Variants in ACYP2 observed in about 807,000 individuals in gnomAD.
The protein encoded by ACYP2 is acylphosphatase-2.
ACYP2 carries 12 observed loss-of-function variants against 11.2 expected under a neutral mutation model. That is an observed-to-expected ratio of 1.08 (90% CI 0.69 to 1.74). The LOEUF is 1.74. ACYP2 is among the 40% of genes most tolerant of loss of function. The pLI, the probability that ACYP2 is intolerant of heterozygous loss-of-function variation, is 0.00. For missense variants in ACYP2, 134 were observed against 101.9 expected (o/e 1.31, Z -1.35); for synonymous variants, 43 against 32.2 (o/e 1.33, Z -1.13).
At chr2:54,091,319 A>G (rs1435932325) in intron 4 of ACYP2, among the ~76,000 whole-genome samples, 1 of 152,178 alleles carries the variant, frequency 6.6e-6, no homozygotes, top group Non-Finnish European at 1.5e-5. Flanking sequence ...TAGGAAATCA[A>G]TATATACTTT....
chr2:54,130,483 A>G (rs2048749), intron 4 of ACYP2, among the ~76,000 whole-genome samples: 79,911 of 151,904 alleles, frequency 0.53, 21,196 homozygotes, highest in East Asian at 0.72. Context: ...TGGGGAAGGA[A>G]ATGCTTTGAT....
chr2:54,124,754 G>A (rs1358614266), intron 4 of ACYP2, among the ~76,000 whole-genome samples: 2 of 152,124 alleles, frequency 1.3e-5, no homozygotes, highest in Non-Finnish European at 2.9e-5. Flanking sequence ...AGGCTAGAGT[G>A]CAGCAGTGTG....
intron 4 of ACYP2, among the ~76,000 whole-genome samples, chr2:54,116,870 G>T (rs574783238): frequency 6.6e-5 from 10 of 152,166 alleles, no homozygotes; most frequent in African/African-American, 2.4e-4. Flanking sequence ...CTATTTTAAA[G>T]AGCAGGCGTA....
chr2:54,255,340 G>A, intron 6 of ACYP2: 2 of 1,614,166 alleles, frequency 1.2e-6, no homozygotes, highest in Non-Finnish European at 1.7e-6. Flanking sequence ...TAACATCTCG[G>A]CATCTTGGCC....
chr2:54,264,721 G>C (rs1172669812), intron 6 of ACYP2, among the ~76,000 whole-genome samples: 1 of 152,230 alleles, frequency 6.6e-6, no homozygotes, highest in African/African-American at 2.4e-5. Flanking sequence ...TAGGTGGTGA[G>C]TTGTTTCAAC....
intron 6 of ACYP2, among the ~76,000 whole-genome samples, chr2:54,193,493 A>G (rs956388037): frequency 6.6e-6 from 1 of 152,168 alleles, no homozygotes; most frequent in Non-Finnish European, 1.5e-5. Context: ...TCAGGTGTGT[A>G]TTTCTTGAAT....
chr2:54,134,371 C>T (rs1479671278), intron 4 of ACYP2, among the ~76,000 whole-genome samples: 2 of 152,072 alleles, frequency 1.3e-5, no homozygotes, highest in African/African-American at 2.4e-5. Flanking sequence ...TATGGTCAAG[C>T]ATATCATTTC....
chr2:54,287,921 C>T (rs535037784), intron 6 of ACYP2, among the ~76,000 whole-genome samples: 1 of 152,142 alleles, frequency 6.6e-6, no homozygotes, highest in Admixed American at 6.5e-5. Context: ...GTATTGGGAA[C>T]ATTCCCTCAT....
intron 6 of ACYP2, among the ~76,000 whole-genome samples, chr2:54,261,312 A>G (rs991559976): frequency 5.9e-5 from 9 of 152,182 alleles, no homozygotes; most frequent in African/African-American, 1.9e-4. Context: ...TCCTAAAAAA[A>G]GGGAGAACAA....
intron 6 of ACYP2, among the ~76,000 whole-genome samples, chr2:54,175,795 T>C (rs1683433259): frequency 6.6e-6 from 1 of 152,176 alleles, no homozygotes; most frequent in Non-Finnish European, 1.5e-5. Flanking sequence ...GAACTTGCGC[T>C]GTACACATGG....
At chr2:54,081,953 G>T (rs1007055790) in intron 4 of ACYP2, among the ~76,000 whole-genome samples, 10 of 152,174 alleles carry the variant, frequency 6.6e-5, no homozygotes, top group African/African-American at 2.2e-4. Flanking sequence ...GCTCGTATGG[G>T]CTTCTTCAGA....
chr2:54,264,108 T>C (rs1031150599), intron 6 of ACYP2, among the ~76,000 whole-genome samples: 1 of 152,182 alleles, frequency 6.6e-6, no homozygotes, highest in Non-Finnish European at 1.5e-5. Context: ...AAAGATGGTG[T>C]GTGCAGAGTT....
chr2:54,140,833 A>G (rs1681563454), intron 6 of ACYP2, among the ~76,000 whole-genome samples: 1 of 152,024 alleles, frequency 6.6e-6, no homozygotes, highest in African/African-American at 2.4e-5. Flanking sequence ...TTTTATTTTG[A>G]TTGCATAGGT....
chr2:54,096,580 C>G (rs6745762), intron 4 of ACYP2, among the ~76,000 whole-genome samples: 1 of 151,946 alleles, frequency 6.6e-6, no homozygotes, highest in African/African-American at 2.4e-5. Flanking sequence ...TCTGCAATCC[C>G]GGCACCTCGG....
At chr2:54,203,769 A>T (rs1247367272) in intron 6 of ACYP2, among the ~76,000 whole-genome samples, 2 of 150,478 alleles carry the variant, frequency 1.3e-5, no homozygotes, top group Non-Finnish European at 3.0e-5. Context: ...ATTGCTTATC[A>T]TATGTCAAAA....
chr2:53,973,723 C>T lies in ACYP2; in HGVS notation c.-26C>T. 3.3e-6 allele frequency: 1 copy of T among 306,778 alleles called. No homozygotes were observed. The highest frequency in any genetic ancestry group is 5.0e-5 in the East Asian group (1 of 20,058). 19.0% of individuals were successfully genotyped at this position (306,778 alleles called of 1,614,324 possible). On this transcript the variant is annotated 5_prime_UTR_variant, in exon 2 of 7. Transcript: ENST00000607452. ...TGACTCCTTTTTCAGACTCAGCCTG[C>T]CTGCACCCAGGTGAAATAAACAGCC...
chr2:54,195,959 A>G (rs1160530805), intron 6 of ACYP2, among the ~76,000 whole-genome samples: 1 of 151,684 alleles, frequency 6.6e-6, no homozygotes, highest in East Asian at 1.9e-4. Context: ...CACCACACTC[A>G]GCTAATTTTT....
chr2:54,057,106 G>A, intron 3 of ACYP2: 1 of 389,388 alleles, frequency 2.6e-6, no homozygotes, highest in East Asian at 3.6e-5. Flanking sequence ...ATAGGGAAGG[G>A]ATATGAATTT....
intron 4 of ACYP2, among the ~76,000 whole-genome samples, chr2:54,079,497 G>C (rs1677529163): frequency 6.6e-6 from 1 of 152,212 alleles, no homozygotes; most frequent in Admixed American, 6.5e-5. Context: ...ATGGCACACA[G>C]TACAGATGAA....
Sources: gnomAD v4.1 joint callset for allele counts (sites outside exome capture counted in the v4.1 genomes callset) on GRCh38, gnomAD v4.1.1 for gene constraint, MANE v1.5 for transcripts, NCBI Gene and HGNC (gene_info 2026-07-23, HGNC 2026-07-21) for gene names.